SLC35F3: variants seen among roughly 807,000 people sequenced by gnomAD.
SLC35F3 encodes solute carrier family 35 member F3.
A neutral mutation model predicts 49.9 loss-of-function variants in SLC35F3; 25 were observed. The observed-to-expected ratio is 0.50, with a 90% CI of 0.37 to 0.70. SLC35F3 has a LOEUF of 0.70. SLC35F3 is among the 30% of genes least tolerant of loss of function. The pLI is 0.00. For synonymous variants in SLC35F3, 275 were observed against 265.4 expected, an observed-to-expected ratio of 1.04 and a Z score of -0.35; for missense variants, 525 against 639.8, an observed-to-expected ratio of 0.82 and a Z score of 1.94.
intron 2 of SLC35F3, among the ~76,000 whole-genome samples, chr1:234,036,263 G>C (rs12090223): frequency 6.6e-6 from 1 of 152,078 alleles, no homozygotes; most frequent in Non-Finnish European, 1.5e-5. Context: ...ACAGGATCTC[G>C]TGATATTGCC....
At chr1:234,266,724 T>C (rs960966114) in intron 3 of SLC35F3, among the ~76,000 whole-genome samples, 1 of 152,156 alleles carries the variant, frequency 6.6e-6, no homozygotes, top group African/African-American at 2.4e-5. Flanking sequence ...CTGAATACTG[T>C]AGACAACTGT....
At chr1:234,037,774 C>T (rs1056867294) in intron 2 of SLC35F3, among the ~76,000 whole-genome samples, 1 of 152,154 alleles carries the variant, frequency 6.6e-6, no homozygotes, top group African/African-American at 2.4e-5. Context: ...ACTTTCCAAA[C>T]ATGGGCAACT....
chr1:234,278,349 G>T (rs949494093), intron 3 of SLC35F3, among the ~76,000 whole-genome samples: 4 of 152,066 alleles, frequency 2.6e-5, no homozygotes, highest in Non-Finnish European at 4.4e-5. Context: ...AATTAGACTG[G>T]TGCAATGGCA....
At chr1:234,139,999 T>TAAAATAAAATAAAATAAA (rs1299007462) in intron 2 of SLC35F3, among the ~76,000 whole-genome samples, 2 of 110,004 alleles carry the variant, frequency 1.8e-5, no homozygotes, top group African/African-American at 5.9e-5. Context: ...TAAAATAAAA[T>TAAAATAAAATAAAATAAA]AAAGTAAGTG....
chr1:234,055,003 G>C (rs1264020507), intron 2 of SLC35F3, among the ~76,000 whole-genome samples: 1 of 152,138 alleles, frequency 6.6e-6, no homozygotes, highest in Admixed American at 6.5e-5. Context: ...CATTCCTCTG[G>C]AAGCTTCGTC....
intron 3 of SLC35F3, among the ~76,000 whole-genome samples, chr1:234,267,775 C>T (rs1668016939): frequency 6.7e-6 from 1 of 149,522 alleles, no homozygotes; most frequent in African/African-American, 2.5e-5. Context: ...CCTCACTTCT[C>T]AGATGGGGCG....
At position 234,147,963 on chromosome 1, in the gene SLC35F3, G is replaced by T. The variant is rs572859919; in HGVS notation, c.284-83454G>T. Among the ~76,000 whole-genome samples the T allele has an allele frequency of 2.0e-5, 3 of 152,342 alleles. No homozygotes were observed. The South Asian group carries it at 6.2e-4, about 32-fold the overall frequency. ...CCACATTTTGAGAAATGCTGCCTTAGGGAGGGCCACAGTGGGAGGAGTCAG... is the reference window on the plus strand; with the variant it reads ...CCACATTTTGAGAAATGCTGCCTTATGGAGGGCCACAGTGGGAGGAGTCAG... On this transcript the variant is annotated intron_variant, in intron 2 of 7. Transcript: ENST00000366618.
At chr1:233,962,878 GTGATGAAT>G (rs2102812417) in intron 2 of SLC35F3, among the ~76,000 whole-genome samples, 1 of 152,326 alleles carries the variant, frequency 6.6e-6, no homozygotes, top group Non-Finnish European at 1.5e-5. Context: ...TGGCATGGCA[GTGATGAAT>G]TAATCCTCAC....
chr1:233,967,086 C>CA (rs1227806885), intron 2 of SLC35F3, among the ~76,000 whole-genome samples: 1 of 152,102 alleles, frequency 6.6e-6, no homozygotes, highest in African/African-American at 2.4e-5. Context: ...TTCAGATCAA[C>CA]AAAAAATAAT....
chr1:233,978,457 C>G (rs904546385), intron 2 of SLC35F3, among the ~76,000 whole-genome samples: 13 of 152,188 alleles, frequency 8.5e-5, no homozygotes, highest in Admixed American at 6.5e-4. Flanking sequence ...TTCCAAAGAA[C>G]CTGGTTGTTA....
intron 2 of SLC35F3, among the ~76,000 whole-genome samples, chr1:234,204,963 T>A (rs894251889): frequency 9.2e-5 from 14 of 152,254 alleles, no homozygotes; most frequent in Non-Finnish European, 4.4e-5. Flanking sequence ...CTCTCCCTTT[T>A]TCCTGCAGCT....
intron 2 of SLC35F3, among the ~76,000 whole-genome samples, chr1:234,125,695 AAAGAAC>A (rs1312292015): frequency 2.0e-5 from 3 of 152,162 alleles, no homozygotes; most frequent in African/African-American, 7.2e-5. Flanking sequence ...TTATTTTCCT[AAAGAAC>A]ATCTCTCTGA....
intron 2 of SLC35F3, among the ~76,000 whole-genome samples, chr1:234,191,015 C>T (rs941705749): frequency 3.9e-5 from 6 of 152,178 alleles, no homozygotes; most frequent in Admixed American, 3.3e-4. Flanking sequence ...CTTCCACAGC[C>T]CTTCTTATAT....
intron 2 of SLC35F3, among the ~76,000 whole-genome samples, chr1:234,229,597 A>G (rs532171270): frequency 6.6e-6 from 1 of 152,336 alleles, no homozygotes; most frequent in South Asian, 2.1e-4. Flanking sequence ...TTTGGAGTCC[A>G]TTCTTTCACT....
At chr1:234,294,806 T>C (rs1668566327) in intron 3 of SLC35F3, among the ~76,000 whole-genome samples, 1 of 151,906 alleles carries the variant, frequency 6.6e-6, no homozygotes, top group Admixed American at 6.6e-5. Flanking sequence ...CGTGCTCTGC[T>C]AGGAGAGACA....
intron 2 of SLC35F3, among the ~76,000 whole-genome samples, chr1:233,912,466 G>A (rs1186097254): frequency 6.6e-6 from 1 of 152,054 alleles, no homozygotes; most frequent in East Asian, 1.9e-4. Context: ...GACAGAGTGA[G>A]ACTCCATCAC....
Position 234,224,843 on chromosome 1 carries a change from A to G in SLC35F3, c.284-6574A>G, listed in dbSNP as rs530348881. ...TGATGGATATAAAAAGATATGTAAC[A>G]TCTACTGGCAGAGAGTGTGGTGTAT... On this transcript the variant is annotated intron_variant, in intron 2 of 7. Coordinates refer to ENST00000366618, the MANE Select transcript of SLC35F3 (RefSeq NM_173508.4). Among the ~76,000 whole-genome samples, 52 of 152,354 alleles carry G rather than the reference A, an allele frequency of 3.4e-4. No homozygotes were observed. In the South Asian group the frequency reaches 7.0e-3, roughly 21 times the overall value.
intron 4 of SLC35F3, among the ~76,000 whole-genome samples, chr1:234,310,498 C>G (rs987093489): frequency 1.3e-5 from 2 of 152,196 alleles, no homozygotes; most frequent in Non-Finnish European, 1.5e-5. Context: ...AAAACTCACT[C>G]TCTGTGCCAC....
At chr1:234,286,889 G>T (rs1459474642) in intron 3 of SLC35F3, among the ~76,000 whole-genome samples, 4 of 152,200 alleles carry the variant, frequency 2.6e-5, no homozygotes, top group African/African-American at 9.7e-5. Context: ...AGTAACTATG[G>T]CTGGGCACAG....
Sources: allele counts gnomAD v4.1 joint callset (sites outside exome capture counted in the v4.1 genomes callset), GRCh38; gene constraint gnomAD v4.1.1; transcripts MANE v1.5; gene names NCBI Gene and HGNC (gene_info 2026-07-23, HGNC 2026-07-21).